MAGI2: variants seen among roughly 807,000 people sequenced by gnomAD.
MAGI2 encodes the protein membrane associated guanylate kinase, WW and PDZ domain containing 2.
A neutral mutation model predicts 133.3 loss-of-function variants in MAGI2; 35 were observed. That is an observed-to-expected ratio of 0.26 (90% CI 0.20 to 0.35). The LOEUF (loss-of-function observed/expected upper bound fraction) is 0.35. MAGI2 is among the 10% of genes least tolerant of loss of function. The pLI, the probability that MAGI2 is intolerant of heterozygous loss-of-function variation, is 1.00. For synonymous variants in MAGI2, 729 were observed against 710.6 expected (o/e 1.03, Z -0.41); for missense variants, 1,636 against 1,863.4 (o/e 0.88, Z 2.25).
At chr7:78,717,842 C>T (rs140075599) in intron 2 of MAGI2, among the ~76,000 whole-genome samples, 15 of 152,182 alleles carry the variant, frequency 9.9e-5, no homozygotes, top group African/African-American at 3.6e-4. Flanking sequence ...CTGACAATAG[C>T]AGTACTAGTA....
chr7:78,681,224 G>T (rs774168593), intron 2 of MAGI2, among the ~76,000 whole-genome samples: 1 of 150,100 alleles, frequency 6.7e-6, no homozygotes, highest in Non-Finnish European at 1.5e-5. Context: ...AGACCCACGG[G>T]TCAATAACCC....
chr7:78,984,628 C>T (rs976477308), intron 2 of MAGI2, among the ~76,000 whole-genome samples: 27 of 151,812 alleles, frequency 1.8e-4, no homozygotes, highest in African/African-American at 6.0e-4. Flanking sequence ...AGTATCTGCT[C>T]GTATGTGATA....
intron 20 of MAGI2, among the ~76,000 whole-genome samples, chr7:78,098,038 T>C (rs1184030982): frequency 6.6e-6 from 1 of 152,158 alleles, no homozygotes; most frequent in Non-Finnish European, 1.5e-5. Flanking sequence ...TAAAGTTATG[T>C]AATATTTAAA....
At chr7:78,259,999 G>T (rs538265704) in intron 9 of MAGI2, among the ~76,000 whole-genome samples, 136 of 152,214 alleles carry the variant, frequency 8.9e-4, no homozygotes, top group Middle Eastern at 6.8e-3. Context: ...ATCAGGCAAG[G>T]ATAAAGAACA....
chr7:79,100,007 A>G (rs1470657509), intron 1 of MAGI2, among the ~76,000 whole-genome samples: 1 of 152,190 alleles, frequency 6.6e-6, no homozygotes, highest in Non-Finnish European at 1.5e-5. Context: ...AACATTTTTT[A>G]GAAGAATCTT....
intron 1 of MAGI2, among the ~76,000 whole-genome samples, chr7:79,196,177 A>T (rs1035905892): frequency 2.6e-5 from 4 of 152,032 alleles, no homozygotes; most frequent in Non-Finnish European, 5.9e-5. Context: ...TTTCTTTAAA[A>T]TAACATGTTG....
At chr7:78,757,752 A>G (rs1350072938) in intron 2 of MAGI2, among the ~76,000 whole-genome samples, 2 of 151,954 alleles carry the variant, frequency 1.3e-5, no homozygotes, top group East Asian at 3.9e-4. Context: ...ATTCCTTCTT[A>G]TCTCCTCAAC....
At chr7:78,891,717 T>C (rs1434798471) in intron 2 of MAGI2, among the ~76,000 whole-genome samples, 2 of 152,288 alleles carry the variant, frequency 1.3e-5, no homozygotes, top group African/African-American at 4.8e-5. Flanking sequence ...TAGGTACTGA[T>C]GGGACGTATT....
At chr7:78,513,725 C>T (rs1251005124) in intron 4 of MAGI2, among the ~76,000 whole-genome samples, 8 of 152,112 alleles carry the variant, frequency 5.3e-5, no homozygotes, top group Non-Finnish European at 7.4e-5. Flanking sequence ...ACACAAATTA[C>T]GTAAACTTGC....
At chr7:78,336,241 C>G (rs1442122588) in intron 9 of MAGI2, among the ~76,000 whole-genome samples, 2 of 152,144 alleles carry the variant, frequency 1.3e-5, no homozygotes, top group East Asian at 3.8e-4. Flanking sequence ...TTGTTGAACA[C>G]TGCTTCTAGA....
chr7:78,227,850 T>TTGTGTGTGTGTGTGTGTGTGTGTGTG (rs3085614), intron 10 of MAGI2, among the ~76,000 whole-genome samples: 31 of 145,650 alleles, frequency 2.1e-4, no homozygotes, highest in Admixed American at 3.5e-4. Context: ...TCTTACTCAG[T>TTGTGTGTGTGTGTGTGTGTGTGTGTG]TGTGTGTGTG....
intron 2 of MAGI2, among the ~76,000 whole-genome samples, chr7:78,820,594 C>T (rs1056171148): frequency 5.9e-5 from 9 of 151,738 alleles, no homozygotes; most frequent in Non-Finnish European, 1.5e-5. Flanking sequence ...ATGTTAAAAA[C>T]TAATGGAAAT....
intron 21 of MAGI2, among the ~76,000 whole-genome samples, chr7:78,077,325 C>G (rs1056874761): frequency 6.6e-6 from 1 of 151,990 alleles, no homozygotes; most frequent in Non-Finnish European, 1.5e-5. Flanking sequence ...AAAGGTTATT[C>G]TATTCCAAGA....
At chr7:78,446,595 T>A (rs1788167282) in intron 6 of MAGI2, among the ~76,000 whole-genome samples, 1 of 152,090 alleles carries the variant, frequency 6.6e-6, no homozygotes, top group Non-Finnish European at 1.5e-5. Context: ...CAGATTTTGT[T>A]ACCAGTAGAA....
intron 1 of MAGI2, among the ~76,000 whole-genome samples, chr7:79,161,535 A>T (rs1452117587): frequency 1.3e-5 from 2 of 152,086 alleles, no homozygotes; most frequent in South Asian, 2.1e-4. Flanking sequence ...GACAAAAAAA[A>T]ATATTATGTA....
chr7:78,364,671 G>A (rs1043980592), intron 7 of MAGI2, among the ~76,000 whole-genome samples: 20 of 152,164 alleles, frequency 1.3e-4, no homozygotes, highest in African/African-American at 4.8e-4. Flanking sequence ...CCAGCAAATC[G>A]TGTCTTCTGG....
chr7:79,410,881 G>A (rs1046162023), intron 1 of MAGI2: 1 of 151,966 alleles, frequency 6.6e-6, no homozygotes, highest in African/African-American at 2.4e-5. Context: ...TTTCAGTTTT[G>A]TTCAAAATGA....
intron 9 of MAGI2, among the ~76,000 whole-genome samples, chr7:78,333,078 G>A (rs1376539406): frequency 6.6e-6 from 1 of 152,174 alleles, no homozygotes; most frequent in Non-Finnish European, 1.5e-5. Flanking sequence ...ATGTGAGTAT[G>A]AATATTTTGC....
At chr7:78,679,805 T>G (rs1815453430) in intron 2 of MAGI2, among the ~76,000 whole-genome samples, 1 of 152,110 alleles carries the variant, frequency 6.6e-6, no homozygotes, top group Non-Finnish European at 1.5e-5. Flanking sequence ...GCTTTCATTT[T>G]AACAAAACAT....
Sources: gnomAD v4.1 joint callset for allele counts (sites outside exome capture counted in the v4.1 genomes callset) on GRCh38, gnomAD v4.1.1 for gene constraint, MANE v1.5 for transcripts, NCBI Gene and HGNC (gene_info 2026-07-23, HGNC 2026-07-21) for gene names.